The following SARDH variants were observed in gnomAD, a reference collection of about 807,000 sequenced individuals.
SARDH encodes the protein sarcosine dehydrogenase.
A neutral mutation model predicts 109.1 loss-of-function variants in SARDH; 95 were observed. The ratio of observed to expected loss-of-function variants is 0.87; its 90% CI spans 0.74 to 1.03. The LOEUF (loss-of-function observed/expected upper bound fraction) is 1.03, where lower values mean the gene tolerates loss of function less well. Among genes scored for constraint, SARDH ranks in the 50% least tolerant of loss-of-function variants. The pLI is 0.00. For missense variants in SARDH, 1,267 were observed against 1,287.8 expected (o/e 0.98, Z 0.25); for synonymous variants, 572 against 534.8 (o/e 1.07, Z -0.96).
chr9:133,729,329 T>C (rs889330626), intron 6 of SARDH, among the ~76,000 whole-genome samples: 4 of 151,824 alleles, frequency 2.6e-5, no homozygotes, highest in African/African-American at 9.7e-5. Context: ...GCCCCCAACC[T>C]CCCTTGGCAG....
At chr9:133,725,625 GAC>G (rs1832463046) in intron 6 of SARDH, 1 of 355,844 alleles carries the variant, frequency 2.8e-6, no homozygotes, top group Non-Finnish European at 5.7e-6. Flanking sequence ...GCAGTGAGCT[GAC>G]ACTGTGCCAC....
At chr9:133,694,207 C>G (rs536506931) in intron 15 of SARDH, 51 bp downstream of exon 15, 1 of 1,355,664 alleles carries the variant, frequency 7.4e-7, no homozygotes, top group South Asian at 1.3e-5. Context: ...AACCACCAGT[C>G]CACAGAGCAG....
intron 6 of SARDH, among the ~76,000 whole-genome samples, chr9:133,722,121 C>CACAAA (rs57378996): frequency 0.56 from 84,294 of 150,436 alleles, 26,074 homozygotes; most frequent in East Asian, 0.76. Flanking sequence ...GTCTCAAAAA[C>CACAAA]ACAAAACAAA....
upstream of SARDH, among the ~76,000 whole-genome samples, chr9:133,739,036 G>T (rs1832976869): frequency 6.6e-6 from 1 of 152,212 alleles, no homozygotes; most frequent in Non-Finnish European, 1.5e-5. Context: ...CAGCAAGCTG[G>T]TGGAGGAGGC....
At chr9:133,677,490 A>C (rs1830557917) in intron 17 of SARDH, among the ~76,000 whole-genome samples, 1 of 152,104 alleles carries the variant, frequency 6.6e-6, no homozygotes, top group African/African-American at 2.4e-5. Context: ...GGTGAGGGGA[A>C]CTCTGCCTCC....
At position 133,738,237 on chromosome 9, in the gene SARDH, G is replaced by A. The variant is rs1046421568; in HGVS notation, c.-31+17C>T. Reference sequence around the variant, plus strand: ...GGCCCCAGCCTCGTCCCTCCCTGGGGGTGTACCTCCAAGTACCTCTTGTCA... The same window carrying A: ...GGCCCCAGCCTCGTCCCTCCCTGGGAGTGTACCTCCAAGTACCTCTTGTCA... On this transcript the variant is annotated intron_variant, in intron 1 of 20. Transcript: ENST00000439388. 1 of 152,496 alleles carries A rather than the reference G, an allele frequency of 6.6e-6. No homozygotes were observed. The highest frequency in any genetic ancestry group is 1.5e-5 in the Non-Finnish European group (1 of 68,272). 9.4% of individuals were successfully genotyped at this position (152,496 alleles called of 1,614,324 possible).
upstream of SARDH, among the ~76,000 whole-genome samples, chr9:133,739,333 T>C (rs888943800): frequency 6.6e-6 from 1 of 152,248 alleles, no homozygotes; most frequent in Non-Finnish European, 1.5e-5. Flanking sequence ...CATTGTGTTC[T>C]TATTCACACC....
intron 13 of SARDH, among the ~76,000 whole-genome samples, chr9:133,700,680 T>G (rs1393357169): frequency 6.6e-6 from 1 of 152,108 alleles, no homozygotes; most frequent in Non-Finnish European, 1.5e-5. Context: ...AATCATATAG[T>G]ATGCGAATTA....
intron 15 of SARDH, among the ~76,000 whole-genome samples, chr9:133,691,049 C>T (rs1831073585): frequency 6.6e-6 from 1 of 152,198 alleles, no homozygotes; most frequent in Non-Finnish European, 1.5e-5. Flanking sequence ...ATAAGCACAA[C>T]AGAGAATGAA....
chr9:133,685,090 C>T, intron 17 of SARDH, 103 bp downstream of exon 17: 3 of 973,310 alleles, frequency 3.1e-6, no homozygotes, highest in Non-Finnish European at 4.6e-6. Context: ...CCCAGGGAGG[C>T]AAAGGAACCT....
intron 12 of SARDH, 31 bp from the exon 13 acceptor site, chr9:133,703,060 C>A (rs1179915470): frequency 1.9e-6 from 3 of 1,576,010 alleles, no homozygotes; most frequent in Non-Finnish European, 2.6e-6. Context: ...CCTCAGCCTG[C>A]CTCTTTGGCC....
intron 17 of SARDH, among the ~76,000 whole-genome samples, chr9:133,681,257 G>A (rs779865707): frequency 2.1e-4 from 32 of 152,202 alleles, no homozygotes; most frequent in Non-Finnish European, 4.0e-4. Flanking sequence ...GTGGGCTCCC[G>A]GCTCGTCCAC....
chr9:133,682,194 G>T (rs129953), intron 17 of SARDH, among the ~76,000 whole-genome samples: 1 of 152,086 alleles, frequency 6.6e-6, no homozygotes, highest in East Asian at 1.9e-4. Flanking sequence ...AGGTGGACCC[G>T]GTGTGAAACA....
intron 18 of SARDH, among the ~76,000 whole-genome samples, chr9:133,671,317 C>G (rs1830338205): frequency 6.6e-6 from 1 of 151,924 alleles, no homozygotes; most frequent in East Asian, 1.9e-4. Context: ...CAACACTGTC[C>G]CTGGGGCCCT....
At chr9:133,726,016 A>G (rs975405143) in intron 6 of SARDH, among the ~76,000 whole-genome samples, 3 of 152,156 alleles carry the variant, frequency 2.0e-5, no homozygotes, top group African/African-American at 7.2e-5. Flanking sequence ...TGGAATGAGA[A>G]TATCTGCACC....
intron 17 of SARDH, among the ~76,000 whole-genome samples, chr9:133,676,908 T>C (rs964343061): frequency 1.3e-5 from 2 of 152,112 alleles, no homozygotes; most frequent in South Asian, 2.1e-4. Flanking sequence ...GGAGGCCGAG[T>C]TGGGCGGATC....
chr9:133,708,341 G>C lies in SARDH; in HGVS notation c.1416C>G (p.Phe472Leu), dbSNP rs753200376. The C allele has an allele frequency of 6.2e-7, 1 of 1,613,390 alleles. No individual in the cohort carries two copies. The highest frequency in any genetic ancestry group is 1.7e-5 in the Admixed American group (1 of 60,012). ...ESYAKNYSVVFPHDEPLAGRN... is the reference protein window; with the variant it reads ...ESYAKNYSVVLPHDEPLAGRN... ...GCCCGGCCAGCGGCTCATCGTGGGG[G>C]AAGACGACGGAGTAGTTCTTGGCGT... The change falls in exon 11 of 21, where the codon TTC becomes TTG. Residue 472 changes from phenylalanine to leucine, a missense_variant. Transcript: ENST00000439388.
At chr9:133,715,791 T>C (rs1015783389) in intron 8 of SARDH, among the ~76,000 whole-genome samples, 2 of 152,232 alleles carry the variant, frequency 1.3e-5, no homozygotes, top group African/African-American at 4.8e-5. Flanking sequence ...CTGTGGCTTC[T>C]GGTCCCTAGG....
intron 6 of SARDH, among the ~76,000 whole-genome samples, chr9:133,727,695 T>C (rs976160399): frequency 6.8e-6 from 1 of 148,014 alleles, no homozygotes; most frequent in Non-Finnish European, 1.5e-5. Flanking sequence ...TCAGAGCTGC[T>C]GGGGCTGATG....
Sources: gnomAD v4.1 joint callset for allele counts (sites outside exome capture counted in the v4.1 genomes callset) on GRCh38, gnomAD v4.1.1 for gene constraint, MANE v1.5 for transcripts, NCBI Gene and HGNC (gene_info 2026-07-23, HGNC 2026-07-21) for gene names.